CENPQ: variants seen among roughly 807,000 people sequenced by gnomAD.
The protein encoded by CENPQ is chromosome 6 open reading frame 139.
In CENPQ, 27 loss-of-function variants were observed where a neutral mutation model predicts 36.6. That is an observed-to-expected ratio of 0.74 (90% CI 0.54 to 1.02). CENPQ has a LOEUF of 1.02. Among genes scored for constraint, CENPQ ranks in the 50% least tolerant of loss-of-function variants. The pLI is 0.00. For missense variants in CENPQ, 306 were observed against 301.8 expected, an observed-to-expected ratio of 1.01 and a Z score of -0.10; for synonymous variants, 101 against 101.7, an observed-to-expected ratio of 0.99 and a Z score of 0.04.
intron 5 of CENPQ, among the ~76,000 whole-genome samples, chr6:49,475,871 C>T (rs1011132628): frequency 1.6e-4 from 23 of 139,926 alleles, no homozygotes; most frequent in Middle Eastern, 3.5e-3. Flanking sequence ...TTACAAGGGA[C>T]GTGAAGGACC....
chr6:49,466,517 C>T (rs981539855), intron 1 of CENPQ, among the ~76,000 whole-genome samples: 9 of 152,154 alleles, frequency 5.9e-5, no homozygotes, highest in African/African-American at 1.9e-4. Flanking sequence ...GACAGTCATT[C>T]GCTCACTTGC....
intron 7 of CENPQ, 46 bp from the exon 8 acceptor site, chr6:49,488,561 G>C (rs904400288): frequency 2.5e-6 from 4 of 1,596,090 alleles, no homozygotes; most frequent in Non-Finnish European, 3.4e-6. Context: ...AATATGATGA[G>C]AGAAATCAGC....
At chr6:49,480,087 T>G (rs558556760) in intron 5 of CENPQ, among the ~76,000 whole-genome samples, 89 of 152,304 alleles carry the variant, frequency 5.8e-4, no homozygotes, top group African/African-American at 2.0e-3. Flanking sequence ...TATGTATTCC[T>G]GAATCTAAAA....
At chr6:49,489,642 T>TAGG (rs1768671601) in intron 8 of CENPQ, among the ~76,000 whole-genome samples, 1 of 152,182 alleles carries the variant, frequency 6.6e-6, no homozygotes, top group Non-Finnish European at 1.5e-5. Flanking sequence ...AATCACTACC[T>TAGG]AGGGCAGCTA....
At chr6:49,482,983 G>T (rs1459761411) in intron 6 of CENPQ, among the ~76,000 whole-genome samples, 5 of 152,144 alleles carry the variant, frequency 3.3e-5, no homozygotes, top group African/African-American at 9.7e-5. Context: ...AAAGAACAAA[G>T]CTTCCATAGT....
intron 6 of CENPQ, among the ~76,000 whole-genome samples, chr6:49,483,992 A>AT (rs1399411895): frequency 6.6e-6 from 1 of 152,222 alleles, no homozygotes; most frequent in African/African-American, 2.4e-5. Context: ...TAGCAGTCCT[A>AT]TTTTTTCATC....
In CENPQ at chr6:49,475,484, A is replaced by C. The variant is rs926850478; in HGVS notation, c.347+2626A>C. ...CCAATGTCATACTGAATGGGCAAAA[A>C]CTGGAAGCATTCCCTTTGAAAACTG... On this transcript the variant is annotated intron_variant, in intron 5 of 8. Coordinates refer to ENST00000335783, the MANE Select transcript of CENPQ (RefSeq NM_018132.4). Among the ~76,000 whole-genome samples, 3 of 152,194 alleles carry C rather than the reference A, an allele frequency of 2.0e-5. No individual in the cohort carries two copies. The East Asian group carries it at 5.8e-4, about 29-fold the overall frequency.
Position 49,488,488 on chromosome 6 carries a change from G to A in CENPQ, c.597+17G>A, listed in dbSNP as rs1314188497. The A allele has an allele frequency of 3.1e-6, 5 of 1,607,390 alleles. No individual in the cohort carries two copies. The highest frequency in any genetic ancestry group is 4.3e-6 in the Non-Finnish European group (5 of 1,176,044). ...GTAAAACAGGTAATTATTTTAAACT[G>A]TATTATTGGAATTTGGATATAATTT... On this transcript the variant is annotated intron_variant, in intron 7 of 8. Transcript: ENST00000335783.
chr6:49,475,950 C>A (rs1415158648), intron 5 of CENPQ, among the ~76,000 whole-genome samples: 1 of 152,144 alleles, frequency 6.6e-6, no homozygotes, highest in Non-Finnish European at 1.5e-5. Context: ...GAAGAACATT[C>A]CATGCTCATG....
chr6:49,488,287 A>C, intron 6 of CENPQ, 65 bp from the exon 7 acceptor site: 1 of 1,256,848 alleles, frequency 8.0e-7, no homozygotes, highest in Admixed American at 2.4e-5. Context: ...GTATAACAAT[A>C]TCTATTAGGA....
intron 5 of CENPQ, among the ~76,000 whole-genome samples, chr6:49,477,383 G>A (rs1433702031): frequency 7.0e-6 from 1 of 142,418 alleles, no homozygotes; most frequent in Non-Finnish European, 1.5e-5. Flanking sequence ...GAACACCTGG[G>A]CACAGGAAGG....
intron 1 of CENPQ, among the ~76,000 whole-genome samples, chr6:49,468,957 T>C (rs899581181): frequency 2.6e-5 from 4 of 151,532 alleles, no homozygotes; most frequent in Non-Finnish European, 5.9e-5. Flanking sequence ...AGATGTAAAG[T>C]TGAGGTAATT....
intron 1 of CENPQ, among the ~76,000 whole-genome samples, chr6:49,467,179 T>C (rs1277368034): frequency 6.6e-6 from 1 of 152,260 alleles, no homozygotes; most frequent in Non-Finnish European, 1.5e-5. Context: ...GTAGGTTTCA[T>C]TGTTAACAGT....
chr6:49,466,136 A>G (rs915720372), intron 1 of CENPQ, among the ~76,000 whole-genome samples: 1 of 152,222 alleles, frequency 6.6e-6, no homozygotes, highest in African/African-American at 2.4e-5. Context: ...GGAGAGAGGC[A>G]GGGAACAGCC....
At chr6:49,483,205 A>C (rs1581853476) in intron 6 of CENPQ, among the ~76,000 whole-genome samples, 1 of 151,688 alleles carries the variant, frequency 6.6e-6, no homozygotes, top group African/African-American at 2.4e-5. Flanking sequence ...AGAATGGTGC[A>C]TTCACAAACC....
At position 49,472,776 on chromosome 6, in the gene CENPQ, T is replaced by G. The variant is rs1412996560; in HGVS notation, c.279-14T>G. Reference sequence around the variant, plus strand: ...ATCAGACTACTATTTATTCCATCTTTTTTTCTTTTCTAGGACAATTTTGAG... The same window carrying G: ...ATCAGACTACTATTTATTCCATCTTGTTTTCTTTTCTAGGACAATTTTGAG... On this transcript the variant is annotated splice_polypyrimidine_tract_variant and intron_variant, in intron 4 of 8. Transcript: ENST00000335783. 1 of 1,423,722 alleles carries G rather than the reference T, an allele frequency of 7.0e-7. No homozygotes were observed. Among genetic ancestry groups the G allele is most frequent in the Non-Finnish European group, 9.4e-7 (1 of 1,062,072 alleles). 88.2% of individuals were successfully genotyped at this position (1,423,722 alleles called of 1,614,324 possible). A position where few individuals can be genotyped will look rare whatever the true frequency, so the allele number is the denominator to read the frequency against.
intron 5 of CENPQ, among the ~76,000 whole-genome samples, chr6:49,477,524 C>G (rs1768325264): frequency 6.6e-6 from 1 of 150,606 alleles, no homozygotes; most frequent in African/African-American, 2.5e-5. Flanking sequence ...ATGTAACAAA[C>G]CTGCACAGTT....
intron 5 of CENPQ, among the ~76,000 whole-genome samples, chr6:49,476,376 A>T (rs937005938): frequency 2.6e-5 from 4 of 152,216 alleles, no homozygotes; most frequent in Admixed American, 2.0e-4. Context: ...CCATATGTAG[A>T]AAGCTGAAAC....
chr6:49,484,182 C>T (rs1215782712), intron 6 of CENPQ, among the ~76,000 whole-genome samples: 2 of 152,172 alleles, frequency 1.3e-5, no homozygotes, highest in African/African-American at 4.8e-5. Flanking sequence ...GTTCTAAGCA[C>T]TTTATAGTTA....
Sources: allele counts gnomAD v4.1 joint callset (sites outside exome capture counted in the v4.1 genomes callset), GRCh38; gene constraint gnomAD v4.1.1; transcripts MANE v1.5; gene names NCBI Gene and HGNC (gene_info 2026-07-23, HGNC 2026-07-21).